Variants in PCDHGB7 observed in about 807,000 individuals in gnomAD.
PCDHGB7 encodes the protein protocadherin gamma subfamily B, 7.
A neutral mutation model predicts 61.4 loss-of-function variants in PCDHGB7; 37 were observed. The ratio of observed to expected loss-of-function variants is 0.60; its 90% CI spans 0.46 to 0.79. The LOEUF (loss-of-function observed/expected upper bound fraction) is 0.79. Among genes scored for constraint, PCDHGB7 ranks in the 30% least tolerant of loss-of-function variants. PCDHGB7 has a pLI of 0.00. For synonymous variants in PCDHGB7, 464 were observed against 503.5 expected (o/e 0.92, Z 1.05); for missense variants, 1,166 against 1,202.5 (o/e 0.97, Z 0.45).
intron 1 of PCDHGB7, among the ~76,000 whole-genome samples, chr5:141,438,745 T>C (rs1004731034): frequency 4.7e-5 from 7 of 147,392 alleles, no homozygotes; most frequent in Non-Finnish European, 1.0e-4. Flanking sequence ...CACTGCAACC[T>C]CTGCCTCCTG....
In PCDHGB7 at chr5:141,486,518, A is replaced by G; in HGVS notation, c.2416-8289A>G. The G allele has an allele frequency of 6.2e-7, 1 of 1,614,132 alleles. No homozygotes were observed. Among genetic ancestry groups the G allele is most frequent in the Non-Finnish European group, 8.5e-7 (1 of 1,179,996 alleles). On this transcript the variant is annotated intron_variant, in intron 1 of 3. Coordinates refer to ENST00000398594, the MANE Select transcript of PCDHGB7 (RefSeq NM_018927.4). The surrounding 1 kb of genome is among the most constrained non-coding windows in gnomAD (Gnocchi z 5.0). ...TATTTTCCTCAATATTTCAGATGTG[A>G]ATGATAATCCACCCTCTTTCTTTCA...
Position 141,454,782 on chromosome 5 carries a change from C to A in PCDHGB7, c.2415+34508C>A, listed in dbSNP as rs116242508. On this transcript the variant is annotated intron_variant, in intron 1 of 3. Transcript: ENST00000398594. ...GACATGTTTTTTACAAGGAAATAAT[C>A]CTCCATGGTTCTAATTTTTTTTTTT... is the stretch of plus-strand genomic sequence containing the variant. 8.4e-3 allele frequency among the ~76,000 whole-genome samples: 1,205 copies of A among 143,216 alleles called. 20 individuals are homozygous for A. Among genetic ancestry groups the A allele is most frequent in the African/African-American group, 0.03 (1,150 of 37,952 alleles). The allele number at this position is 143,216 out of a possible 152,430, so 94.0% of individuals were successfully genotyped here. A position where few individuals can be genotyped will look rare whatever the true frequency, so the allele number is the denominator to read the frequency against.
chr5:141,476,661 T>G lies in PCDHGB7; in HGVS notation c.2416-18146T>G. 1.2e-6 allele frequency: 2 copies of G among 1,614,076 alleles called. No individual in the cohort carries two copies. The highest frequency in any genetic ancestry group is 1.7e-6 in the Non-Finnish European group (2 of 1,179,938). On this transcript the variant is annotated intron_variant, in intron 1 of 3. Coordinates refer to ENST00000398594, the MANE Select transcript of PCDHGB7 (RefSeq NM_018927.4). The surrounding 1 kb of genome is among the most constrained non-coding windows in gnomAD (Gnocchi z 7.6). Reference sequence around the variant, plus strand: ...CTGAGCCGAAATGAATACTTTGCGCTTCGCGTGCAGACGCGGGAGGACAGC... The same window carrying G: ...CTGAGCCGAAATGAATACTTTGCGCGTCGCGTGCAGACGCGGGAGGACAGC...
chr5:141,419,588 A>C lies in PCDHGB7; in HGVS notation c.1729A>C (p.Thr577Pro). The change falls in exon 1 of 4, where the codon ACA becomes CCA. Residue 577 changes from threonine to proline, a missense_variant. Physicochemically the swap from Thr to Pro is conservative, Grantham distance 38. Transcript: ENST00000398594. The part of the protein sequence containing the change: ...LGPDGSALFD[T>P]VPRAAQPGYL... ...TCCCGACGGCTCCGCGCTCTTCGAC[A>C]CAGTGCCGCGGGCCGCGCAGCCAGG... 1 of 1,611,830 alleles carries C rather than the reference A, an allele frequency of 6.2e-7. No individual in the cohort carries two copies. Among genetic ancestry groups the C allele is most frequent in the Non-Finnish European group, 8.5e-7 (1 of 1,179,552 alleles).
chr5:141,465,611 C>T (rs1393170181), intron 1 of PCDHGB7, among the ~76,000 whole-genome samples: 1 of 152,178 alleles, frequency 6.6e-6, no homozygotes, highest in African/African-American at 2.4e-5. Context: ...CTCTTTGGCC[C>T]TCCAGGAAGT....
At chr5:141,509,845 C>G (rs1021433327) in intron 3 of PCDHGB7, among the ~76,000 whole-genome samples, 1 of 152,190 alleles carries the variant, frequency 6.6e-6, no homozygotes, top group African/African-American at 2.4e-5. Context: ...CCCATTCACT[C>G]AGAACAGGGA....
At chr5:141,465,792 T>A (rs1262092940) in intron 1 of PCDHGB7, among the ~76,000 whole-genome samples, 2 of 152,018 alleles carry the variant, frequency 1.3e-5, no homozygotes, top group Non-Finnish European at 2.9e-5. Flanking sequence ...TTTTTTTTTT[T>A]AAGAAACCCT....
chr5:141,464,980 GATCCT>G (rs2154568684), intron 1 of PCDHGB7, among the ~76,000 whole-genome samples: 1 of 151,990 alleles, frequency 6.6e-6, no homozygotes, highest in East Asian at 1.9e-4. Flanking sequence ...GGCTTCAAGT[GATCCT>G]CCCACCTCAG....
chr5:141,421,791 T>TG, intron 1 of PCDHGB7: 1 of 1,613,792 alleles, frequency 6.2e-7, no homozygotes, highest in Non-Finnish European at 8.5e-7. Flanking sequence ...GCAGAACGGA[T>TG]GGGGCCAAGA....
rs1399077321 is a variant in PCDHGB7, at chr5:141,474,090, AAAC to A, written c.2416-20708_2416-20706del. Among the ~76,000 whole-genome samples the A allele has an allele frequency of 2.6e-5, 4 of 152,206 alleles. No individual in the cohort carries two copies. In the East Asian group the frequency reaches 5.8e-4, roughly 22 times the overall value. On this transcript the variant is annotated intron_variant, in intron 1 of 3. Coordinates refer to ENST00000398594, the MANE Select transcript of PCDHGB7 (RefSeq NM_018927.4). ...GCCTCAGAAACAAAAACCAAAAAAC[AAAC>A]AACAACAAAAACAACAACAACGAAA...
chr5:141,477,639 G>T lies in PCDHGB7; in HGVS notation c.2416-17168G>T, dbSNP rs2099414883. ...GGAGCTGAAACCGGGCTAGTGGGTCGCTATTTCACAATAAATCGTGACAAT... is the reference window on the plus strand; with the variant it reads ...GGAGCTGAAACCGGGCTAGTGGGTCTCTATTTCACAATAAATCGTGACAAT... On this transcript the variant is annotated intron_variant, in intron 1 of 3. Transcript: ENST00000398594. The surrounding 1 kb of genome is among the most constrained non-coding windows in gnomAD (Gnocchi z 4.9). 3.1e-6 allele frequency: 5 copies of T among 1,614,004 alleles called. No homozygotes were observed. Among genetic ancestry groups the T allele is most frequent in the Non-Finnish European group, 4.2e-6 (5 of 1,180,034 alleles).
At chr5:141,467,596 C>G (rs2099147035) in intron 1 of PCDHGB7, among the ~76,000 whole-genome samples, 1 of 152,202 alleles carries the variant, frequency 6.6e-6, no homozygotes, top group South Asian at 2.1e-4. Context: ...ATTTATTAAG[C>G]ACTTCATCTT....
intron 1 of PCDHGB7, among the ~76,000 whole-genome samples, chr5:141,420,713 G>GT (rs1303648273): frequency 3.3e-5 from 5 of 152,078 alleles, no homozygotes; most frequent in African/African-American, 1.2e-4. Context: ...CAGAAATGTC[G>GT]TTCCTTTCAG....
chr5:141,470,708 A>T (rs1293545270), intron 1 of PCDHGB7, among the ~76,000 whole-genome samples: 1 of 151,804 alleles, frequency 6.6e-6, no homozygotes. Flanking sequence ...TTTTTATTTT[A>T]TTTTTTTGAG....
At position 141,485,326 on chromosome 5, in the gene PCDHGB7, T is replaced by C. The variant is rs2154580391; in HGVS notation, c.2416-9481T>C. On this transcript the variant is annotated intron_variant, in intron 1 of 3. Coordinates refer to ENST00000398594, the MANE Select transcript of PCDHGB7 (RefSeq NM_018927.4). This position sits in a 1 kb window ranked among gnomAD's most constrained non-coding sequence, Gnocchi z 5.7. ...CTTTTGTAGGGAATGTCGCTCAAGATTTCCTGCTGGATACGGACAGTCTGT... is the reference window on the plus strand; with the variant it reads ...CTTTTGTAGGGAATGTCGCTCAAGACTTCCTGCTGGATACGGACAGTCTGT... 1 of 1,614,106 alleles carries C rather than the reference T, an allele frequency of 6.2e-7. No homozygotes were observed. The highest frequency in any genetic ancestry group is 1.7e-5 in the Admixed American group (1 of 60,028).
chr5:141,458,367 G>A (rs1297876142), intron 1 of PCDHGB7, among the ~76,000 whole-genome samples: 2 of 152,130 alleles, frequency 1.3e-5, no homozygotes, highest in African/African-American at 2.4e-5. Context: ...AGAAGGAAGG[G>A]AGAAGAGAGA....
chr5:141,442,131 A>T, intron 1 of PCDHGB7: 1 of 165,118 alleles, frequency 6.1e-6, no homozygotes, highest in Non-Finnish European at 1.3e-5. Context: ...GACAGCCTGC[A>T]GGAGACTCTG....
At chr5:141,460,546 C>A (rs182506898) in intron 1 of PCDHGB7, among the ~76,000 whole-genome samples, 51 of 152,152 alleles carry the variant, frequency 3.4e-4, no homozygotes, top group African/African-American at 1.1e-3. Context: ...GCACCTTAAT[C>A]AAAAATCATT....
At position 141,487,137 on chromosome 5, in the gene PCDHGB7, T is replaced by A. The variant is rs2154580779; in HGVS notation, c.2416-7670T>A. ...GTAAAGGATAGTGGTAGTCCACCAC[T>A]CTCTACCTCTGTTACTCTCTTAGTG... On this transcript the variant is annotated intron_variant, in intron 1 of 3. Coordinates refer to ENST00000398594, the MANE Select transcript of PCDHGB7 (RefSeq NM_018927.4). The surrounding 1 kb of genome is among the most constrained non-coding windows in gnomAD (Gnocchi z 5.0). 1.9e-6 allele frequency: 3 copies of A among 1,614,092 alleles called. No individual in the cohort carries two copies. The East Asian group carries it at 6.7e-5, about 36-fold the overall frequency.
Sources: allele counts gnomAD v4.1 joint callset (sites outside exome capture counted in the v4.1 genomes callset), GRCh38; gene constraint gnomAD v4.1.1; non-coding constraint Gnocchi (gnomAD v3.1); transcripts MANE v1.5; gene names NCBI Gene and HGNC (gene_info 2026-07-23, HGNC 2026-07-21).